SPOCK1: variants seen among roughly 807,000 people sequenced by gnomAD.
SPOCK1 encodes SPARC (osteonectin), cwcv and kazal like domains proteoglycan 1.
A neutral mutation model predicts 55.3 loss-of-function variants in SPOCK1; 23 were observed. The observed-to-expected ratio is 0.42, with a 90% CI of 0.30 to 0.59. The LOEUF (loss-of-function observed/expected upper bound fraction) is 0.59. Among genes scored for constraint, SPOCK1 ranks in the 20% least tolerant of loss-of-function variants. The probability of loss-of-function intolerance (pLI) is 0.22; values close to 1 mark genes in which losing one functional copy is unlikely to be tolerated. For missense variants in SPOCK1, 499 were observed against 552.5 expected (o/e 0.90, Z 0.97); for synonymous variants, 226 against 221.0 (o/e 1.02, Z -0.20).
intron 3 of SPOCK1, among the ~76,000 whole-genome samples, chr5:137,180,311 T>A (rs895139141): frequency 2.7e-5 from 4 of 150,938 alleles, no homozygotes; most frequent in Non-Finnish European, 5.9e-5. Flanking sequence ...TTTTGTAAAA[T>A]AATGTTTGTA....
intron 2 of SPOCK1, among the ~76,000 whole-genome samples, chr5:137,417,184 A>G (rs113441164): frequency 2.0e-5 from 3 of 152,122 alleles, no homozygotes; most frequent in African/African-American, 7.2e-5. Context: ...TCTTAACGTT[A>G]ATGAAGTTCA....
In SPOCK1 at chr5:137,169,771, T is replaced by G. The variant is rs116243819; in HGVS notation, c.233-29077A>C. Among the ~76,000 whole-genome samples, 1,203 of 152,308 alleles carry G rather than the reference T, an allele frequency of 7.9e-3. 14 individuals carry two copies. Among genetic ancestry groups the G allele is most frequent in the African/African-American group, 0.028 (1,162 of 41,574 alleles). ...ATGTGTTGTTCTCATTTTACCAATA[T>G]GAAAAGCTGAGGTTCAGAGTTTTGA... On this transcript the variant is annotated intron_variant, in intron 3 of 10. Transcript: ENST00000394945.
rs11322343 is a variant in SPOCK1, at chr5:137,280,219, T to TA, written c.187-13165dup. ...TTATCAGGTAAGATCATTTATATGATAAAAAAAATACACATCAATAAGGAC... is the reference window on the plus strand; with the variant it reads ...TTATCAGGTAAGATCATTTATATGATAAAAAAAAATACACATCAATAAGGAC... On this transcript the variant is annotated intron_variant, in intron 2 of 10. Coordinates refer to ENST00000394945, the MANE Select transcript of SPOCK1 (RefSeq NM_004598.4). Among the ~76,000 whole-genome samples, 1,455 of 152,084 alleles carry TA rather than the reference T, an allele frequency of 9.6e-3. 13 individuals are homozygous for TA. Among genetic ancestry groups the TA allele is most frequent in the Middle Eastern group, 0.048 (14 of 294 alleles).
intron 3 of SPOCK1, among the ~76,000 whole-genome samples, chr5:137,179,123 T>TA (rs1475326789): frequency 6.6e-6 from 1 of 152,200 alleles, no homozygotes; most frequent in African/African-American, 2.4e-5. Context: ...AAGTTTTTAT[T>TA]ACAAAAATAG....
chr5:137,329,947 G>A (rs1223462599), intron 2 of SPOCK1, among the ~76,000 whole-genome samples: 2 of 152,132 alleles, frequency 1.3e-5, no homozygotes, highest in African/African-American at 4.8e-5. Context: ...AGGCTCCCCT[G>A]GCCCTCAAAC....
At chr5:137,098,758 C>T (rs535605434) in intron 5 of SPOCK1, among the ~76,000 whole-genome samples, 1 of 152,332 alleles carries the variant, frequency 6.6e-6, no homozygotes, top group Admixed American at 6.5e-5. Flanking sequence ...CTCCCAGATA[C>T]TTAGAGACTT....
Position 137,316,219 on chromosome 5 carries a change from T to G in SPOCK1, c.187-49164A>C, listed in dbSNP as rs1378686434. Among the ~76,000 whole-genome samples the G allele has an allele frequency of 2.0e-5, 3 of 152,216 alleles. No individual in the cohort carries two copies. In the South Asian group the frequency reaches 6.2e-4, roughly 32 times the overall value. ...ATGCTACTGTGTGAAGCCTCTTTTA[T>G]AAGAGTCATAATCCCACTCATGAAG... On this transcript the variant is annotated intron_variant, in intron 2 of 10. Coordinates refer to ENST00000394945, the MANE Select transcript of SPOCK1 (RefSeq NM_004598.4).
At chr5:137,183,004 C>T (rs534356953) in intron 3 of SPOCK1, among the ~76,000 whole-genome samples, 1 of 152,284 alleles carries the variant, frequency 6.6e-6, no homozygotes, top group East Asian at 1.9e-4. Flanking sequence ...CACTGGTGTT[C>T]TCTATCTGAA....
chr5:137,250,405 C>T (rs1277008668), intron 3 of SPOCK1, among the ~76,000 whole-genome samples: 1 of 152,228 alleles, frequency 6.6e-6, no homozygotes, highest in Non-Finnish European at 1.5e-5. Context: ...AGTTATGAAG[C>T]TTGAAAGTAA....
At chr5:137,286,997 T>C (rs950495106) in intron 2 of SPOCK1, among the ~76,000 whole-genome samples, 17 of 152,180 alleles carry the variant, frequency 1.1e-4, no homozygotes, top group African/African-American at 3.9e-4. Flanking sequence ...ATTTCCCTAA[T>C]ATCTTGATGT....
At chr5:137,005,267 CA>C (rs1378319048) in intron 6 of SPOCK1, among the ~76,000 whole-genome samples, 10 of 152,086 alleles carry the variant, frequency 6.6e-5, no homozygotes, top group Non-Finnish European at 7.4e-5. Flanking sequence ...CTTCCATCCA[CA>C]AGGCTTCCTT....
intron 6 of SPOCK1, among the ~76,000 whole-genome samples, chr5:137,011,506 T>C (rs1044325463): frequency 6.6e-6 from 1 of 152,162 alleles, no homozygotes; most frequent in African/African-American, 2.4e-5. Context: ...CCAGCATGTT[T>C]TTCTCCCTAA....
chr5:137,473,539 C>A (rs1753778267), intron 2 of SPOCK1, among the ~76,000 whole-genome samples: 1 of 152,090 alleles, frequency 6.6e-6, no homozygotes, highest in Admixed American at 6.5e-5. Flanking sequence ...AATTTCTATT[C>A]CTCTCTATAT....
At chr5:136,988,926 T>C (rs1750896065) in intron 7 of SPOCK1, 1 of 273,560 alleles carries the variant, frequency 3.7e-6, no homozygotes, top group Non-Finnish European at 6.8e-6. Context: ...TGTGTTTTCA[T>C]TTGCTTAAAA....
chr5:137,035,183 TTTCTCTCCC>T (rs1751859152), intron 6 of SPOCK1, among the ~76,000 whole-genome samples: 1 of 152,216 alleles, frequency 6.6e-6, no homozygotes, highest in Admixed American at 6.5e-5. Context: ...CTGCTTCTTT[TTTCTCTCCC>T]TCTGCCTGAA....
chr5:137,169,149 G>C (rs889883128), intron 3 of SPOCK1, among the ~76,000 whole-genome samples: 1 of 152,042 alleles, frequency 6.6e-6, no homozygotes, highest in African/African-American at 2.4e-5. Context: ...TGAATGTATG[G>C]ATATAGAGAA....
chr5:137,195,864 G>A (rs1755289700), intron 3 of SPOCK1, among the ~76,000 whole-genome samples: 1 of 152,174 alleles, frequency 6.6e-6, no homozygotes, highest in African/African-American at 2.4e-5. Context: ...CCAGCCCTCT[G>A]GGTAGTAGTA....
intron 3 of SPOCK1, among the ~76,000 whole-genome samples, chr5:137,191,149 T>A (rs1755171798): frequency 6.6e-6 from 1 of 152,222 alleles, no homozygotes; most frequent in South Asian, 2.1e-4. Flanking sequence ...AGAAAGAAGA[T>A]TCTAACTCTT....
chr5:137,147,969 T>C (rs564003294), intron 3 of SPOCK1, among the ~76,000 whole-genome samples: 1 of 152,344 alleles, frequency 6.6e-6, no homozygotes, highest in South Asian at 2.1e-4. Flanking sequence ...AAAGCCTTAA[T>C]GGCAAAGCCA....
Sources: allele counts gnomAD v4.1 joint callset (sites outside exome capture counted in the v4.1 genomes callset), GRCh38; gene constraint gnomAD v4.1.1; transcripts MANE v1.5; gene names NCBI Gene and HGNC (gene_info 2026-07-23, HGNC 2026-07-21).